The following ALK variants were observed in gnomAD, a reference collection of about 807,000 sequenced individuals.
The protein encoded by ALK is ALK receptor tyrosine kinase.
ALK carries 74 observed loss-of-function variants against 163.1 expected under a neutral mutation model. That is an observed-to-expected ratio of 0.45 (90% CI 0.38 to 0.55). The LOEUF is 0.55. Ranked by LOEUF, ALK falls within the 20% of genes least tolerant of loss-of-function variation. The pLI, the probability that ALK is intolerant of heterozygous loss-of-function variation, is 0.00. For missense variants in ALK, 2,063 were observed against 2,105.3 expected (o/e 0.98, Z 0.39); for synonymous variants, 960 against 843.2 (o/e 1.14, Z -2.40).
intron 16 of ALK, among the ~76,000 whole-genome samples, chr2:29,228,514 A>G (rs1378967617): frequency 6.6e-6 from 1 of 152,164 alleles, no homozygotes; most frequent in Non-Finnish European, 1.5e-5. Context: ...TAAGGAGTCC[A>G]TGAAACCACA....
At chr2:29,303,602 A>T (rs1266814561) in intron 8 of ALK, among the ~76,000 whole-genome samples, 1 of 152,228 alleles carries the variant, frequency 6.6e-6, no homozygotes, top group Non-Finnish European at 1.5e-5. Flanking sequence ...CCGCAGCACG[A>T]TTCACAATAG....
chr2:29,754,913 A>C (rs1680470921), intron 1 of ALK, among the ~76,000 whole-genome samples: 1 of 152,152 alleles, frequency 6.6e-6, no homozygotes, highest in Non-Finnish European at 1.5e-5. Flanking sequence ...TGTTCAGGAC[A>C]AAAATGTCTC....
chr2:29,897,319 C>A (rs1278778450), intron 1 of ALK, among the ~76,000 whole-genome samples: 1 of 150,880 alleles, frequency 6.6e-6, no homozygotes, highest in Non-Finnish European at 1.5e-5. Flanking sequence ...CCAGCCTGGA[C>A]AGAGTGAGAC....
At position 29,840,105 on chromosome 2, in the gene ALK, G is replaced by A. The variant is rs190252792; in HGVS notation, c.667+79888C>T. On this transcript the variant is annotated intron_variant, in intron 1 of 28. Transcript: ENST00000389048. ...TTATTCTTAACTGCTACGTTATACCGCCTCCTTGACATATATGTCTCATAT... is the reference window on the plus strand; with the variant it reads ...TTATTCTTAACTGCTACGTTATACCACCTCCTTGACATATATGTCTCATAT... Among the ~76,000 whole-genome samples, 15 of 152,218 alleles carry A rather than the reference G, an allele frequency of 9.9e-5. No homozygotes were observed. The East Asian group carries it at 1.3e-3, about 14-fold the overall frequency.
chr2:29,707,376 G>A (rs1355819146), intron 2 of ALK, among the ~76,000 whole-genome samples: 2 of 152,124 alleles, frequency 1.3e-5, no homozygotes, highest in African/African-American at 4.8e-5. Flanking sequence ...CTTCAGGGAA[G>A]GGTCCCAGTC....
intron 3 of ALK, among the ~76,000 whole-genome samples, chr2:29,682,190 G>C (rs1322109700): frequency 6.6e-6 from 1 of 152,124 alleles, no homozygotes; most frequent in African/African-American, 2.4e-5. Context: ...AAGAGGAAGA[G>C]AGAACACTGG....
chr2:29,633,744 A>G (rs1439078432), intron 3 of ALK, among the ~76,000 whole-genome samples: 2 of 152,270 alleles, frequency 1.3e-5, no homozygotes, highest in East Asian at 3.9e-4. Flanking sequence ...GTTGCTATGG[A>G]GCATTCAACC....
intron 4 of ALK, among the ~76,000 whole-genome samples, chr2:29,479,583 C>T (rs1369132323): frequency 6.6e-6 from 1 of 152,234 alleles, no homozygotes; most frequent in African/African-American, 2.4e-5. Flanking sequence ...CTTTGCAAAT[C>T]TCCTTTAGGA....
chr2:29,737,402 T>C (rs75795286), intron 1 of ALK, among the ~76,000 whole-genome samples: 7,768 of 152,152 alleles, frequency 0.051, 557 homozygotes, highest in African/African-American at 0.15. Context: ...AAACTGCAGT[T>C]GGTGCTGATT....
chr2:29,779,162 A>G (rs1321841885), intron 1 of ALK, among the ~76,000 whole-genome samples: 1 of 152,142 alleles, frequency 6.6e-6, no homozygotes, highest in Non-Finnish European at 1.5e-5. Context: ...TCTAAAAAAA[A>G]AACAAAAAAA....
chr2:29,771,579 G>T (rs1467088367), intron 1 of ALK, among the ~76,000 whole-genome samples: 1 of 151,782 alleles, frequency 6.6e-6, no homozygotes, highest in East Asian at 1.9e-4. Flanking sequence ...CTGTCGCCCA[G>T]GCTGGAGTGC....
At chr2:29,897,496 T>G (rs893785667) in intron 1 of ALK, among the ~76,000 whole-genome samples, 10 of 151,792 alleles carry the variant, frequency 6.6e-5, no homozygotes, top group Admixed American at 3.3e-4. Flanking sequence ...ACCAGGGACA[T>G]CAGAGTGGGA....
chr2:29,408,624 G>A (rs1315753518), intron 4 of ALK, among the ~76,000 whole-genome samples: 1 of 152,224 alleles, frequency 6.6e-6, no homozygotes, highest in Non-Finnish European at 1.5e-5. Flanking sequence ...AGAGGCTTAT[G>A]TAGTACTCTG....
intron 3 of ALK, among the ~76,000 whole-genome samples, chr2:29,544,857 G>A (rs189569357): frequency 2.0e-4 from 30 of 152,178 alleles, no homozygotes; most frequent in Admixed American, 1.3e-4. Context: ...TGATTGTCAC[G>A]TAGCTTAATC....
At chr2:29,264,214 C>A (rs982115999) in intron 11 of ALK, among the ~76,000 whole-genome samples, 1 of 152,220 alleles carries the variant, frequency 6.6e-6, no homozygotes, top group Non-Finnish European at 1.5e-5. Flanking sequence ...ACCGTCAAGG[C>A]CTTCAGAGCT....
chr2:29,268,558 C>T (rs528228338), intron 11 of ALK, among the ~76,000 whole-genome samples: 18 of 152,288 alleles, frequency 1.2e-4, no homozygotes, highest in Admixed American at 1.0e-3. Context: ...CCAGTACATG[C>T]TTGTTAAATT....
Position 29,293,205 on chromosome 2 carries a change from G to C in ALK, c.1817+3683C>G, listed in dbSNP as rs373391480. Among the ~76,000 whole-genome samples the C allele has an allele frequency of 5.3e-5, 8 of 152,230 alleles. No individual in the cohort carries two copies. The East Asian group carries it at 1.5e-3, about 29-fold the overall frequency. On this transcript the variant is annotated intron_variant, in intron 9 of 28. Coordinates refer to ENST00000389048, the MANE Select transcript of ALK (RefSeq NM_004304.5). ...ATAAAGCAATCATATCTGTTTTGTC[G>C]GACACAGGTTGAAGAGAGGAGGAAT...
intron 1 of ALK, among the ~76,000 whole-genome samples, chr2:29,773,923 AAT>A (rs1254474799): frequency 6.6e-6 from 1 of 152,226 alleles, no homozygotes; most frequent in Non-Finnish European, 1.5e-5. Context: ...GATTTATCAA[AAT>A]CTTGAGAAAA....
chr2:29,274,951 A>G (rs2148214831), intron 11 of ALK, 148 bp downstream of exon 11: 2 of 1,066,496 alleles, frequency 1.9e-6, no homozygotes, highest in East Asian at 2.4e-5. Context: ...TTCCCCTTGG[A>G]CCCCATAGTC....
Sources: gnomAD v4.1 joint callset for allele counts (sites outside exome capture counted in the v4.1 genomes callset) on GRCh38, gnomAD v4.1.1 for gene constraint, MANE v1.5 for transcripts, NCBI Gene and HGNC (gene_info 2026-07-23, HGNC 2026-07-21) for gene names.